FNIP1: variants seen among roughly 807,000 people sequenced by gnomAD.
FNIP1 encodes the protein folliculin-interacting protein 1.
In FNIP1, 40 loss-of-function variants were observed where a neutral mutation model predicts 124.5. The ratio of observed to expected loss-of-function variants is 0.32; its 90% CI spans 0.25 to 0.42. The LOEUF (loss-of-function observed/expected upper bound fraction) is 0.42. Ranked by LOEUF, FNIP1 falls within the 10% of genes least tolerant of loss-of-function variation. FNIP1 has a pLI of 1.00. For missense variants in FNIP1, 1,176 were observed against 1,403.7 expected, an observed-to-expected ratio of 0.84 and a Z score of 2.59; for synonymous variants, 472 against 470.6, an observed-to-expected ratio of 1.00 and a Z score of -0.04.
chr5:131,658,040 C>CAAAAA (rs543062745), intron 15 of FNIP1, among the ~76,000 whole-genome samples: 1 of 57,304 alleles, frequency 1.7e-5, no homozygotes, highest in Admixed American at 2.1e-4. Context: ...GACTCCATCT[C>CAAAAA]AAAAAAAAAA....
intron 15 of FNIP1, among the ~76,000 whole-genome samples, chr5:131,656,462 T>G (rs963362465): frequency 1.3e-5 from 2 of 152,196 alleles, no homozygotes; most frequent in African/African-American, 4.8e-5. Flanking sequence ...CTTATGTGGG[T>G]ACAGGGTTGC....
chr5:131,768,479 TTA>T (rs1278292149), intron 1 of FNIP1, among the ~76,000 whole-genome samples: 25 of 132,612 alleles, frequency 1.9e-4, no homozygotes, highest in Admixed American at 6.9e-4. Flanking sequence ...TTTTTTTTTT[TTA>T]AAAAGGGGGG....
chr5:131,688,718 A>AAG (rs397773993), intron 11 of FNIP1, among the ~76,000 whole-genome samples: 2 of 150,046 alleles, frequency 1.3e-5, no homozygotes, highest in South Asian at 2.1e-4. Context: ...AAAAAAAAAA[A>AAG]GGAGCAGGAA....
chr5:131,749,455 C>T (rs1249642884), intron 1 of FNIP1, among the ~76,000 whole-genome samples: 4 of 146,930 alleles, frequency 2.7e-5, no homozygotes, highest in Middle Eastern at 3.8e-3. Flanking sequence ...TGCAGTGGTG[C>T]GATTTTGGCT....
Position 131,704,171 on chromosome 5 carries a change from G to A in FNIP1, c.1010C>T (p.Ser337Leu), listed in dbSNP as rs780233484. Reference protein sequence around the residue: ...KKKIAIGVIFSLSKDEDENNK... With the variant: ...KKKIAIGVIFLLSKDEDENNK... ...ATTTTCATCTTCATCTTTGGACAAT[G>A]AAAAGATTACCCCAATTGCAATCTT... The change falls in exon 10 of 18, where the codon TCA becomes TTA. Residue 337 changes from serine (S) to leucine (L), a missense_variant. Around this residue, in one of 2 missense-constraint regions of FNIP1, gnomAD observed 1,109 missense variants for 1,288.5 expected, o/e 0.86. Coordinates refer to ENST00000510461, the MANE Select transcript of FNIP1 (RefSeq NM_133372.3). 1.9e-6 allele frequency: 3 copies of A among 1,613,264 alleles called. No homozygotes were observed. The highest frequency in any genetic ancestry group is 1.7e-6 in the Non-Finnish European group (2 of 1,179,378).
chr5:131,693,333 C>CATACATAT (rs1768563853), intron 11 of FNIP1, among the ~76,000 whole-genome samples: 11 of 50,124 alleles, frequency 2.2e-4, no homozygotes, highest in Admixed American at 8.6e-4. Context: ...TATATATATA[C>CATACATAT]ATATATATAT....
At chr5:131,657,736 CAAAAAAAAA>C (rs59097834) in intron 15 of FNIP1, among the ~76,000 whole-genome samples, 3 of 65,056 alleles carry the variant, frequency 4.6e-5, no homozygotes, top group African/African-American at 1.2e-4. Context: ...GAAAATAAGG[CAAAAAAAAA>C]AAAAAAAAAA....
At chr5:131,789,444 A>C (rs1471317772) in intron 1 of FNIP1, among the ~76,000 whole-genome samples, 2 of 152,238 alleles carry the variant, frequency 1.3e-5, no homozygotes, top group African/African-American at 4.8e-5. Flanking sequence ...TCAAAATGTG[A>C]CATAAAATCA....
Position 131,739,812 on chromosome 5 carries a change from C to CAAAAAAAA in FNIP1, c.219+4744_219+4751dup, listed in dbSNP as rs60928249. ...TGGGTGACAGAGTGAGACTCCAGCT[C>CAAAAAAAA]AAAAAAAAAAAAAAAAAAAAAAAAA... On this transcript the variant is annotated intron_variant, in intron 2 of 17. Transcript: ENST00000510461. Among the ~76,000 whole-genome samples, 64 of 31,372 alleles carry CAAAAAAAA rather than the reference C, an allele frequency of 2.0e-3. 1 individual carries two copies. Among genetic ancestry groups the CAAAAAAAA allele is most frequent in the African/African-American group, 5.7e-3 (56 of 9,896 alleles). 20.6% of individuals were successfully genotyped at this position (31,372 alleles called of 152,430 possible).
In FNIP1 at chr5:131,643,199, A is replaced by C. The variant is rs1049442356; in HGVS notation, c.*1486T>G. 2 of 152,348 alleles carry C rather than the reference A, an allele frequency of 1.3e-5. No homozygotes were observed. The highest frequency in any genetic ancestry group is 4.8e-5 in the African/African-American group (2 of 41,434). The allele number at this position is 152,348 out of a possible 1,614,324, so 9.4% of individuals were successfully genotyped here. On this transcript the variant is annotated 3_prime_UTR_variant, in exon 18 of 18. Coordinates refer to ENST00000510461, the MANE Select transcript of FNIP1 (RefSeq NM_133372.3). ...AGTTGGAAGTCTCTTGAATACATACACAGCAAGGCAAAATGTGACCCAATG... is the reference window on the plus strand; with the variant it reads ...AGTTGGAAGTCTCTTGAATACATACCCAGCAAGGCAAAATGTGACCCAATG...
intron 15 of FNIP1, among the ~76,000 whole-genome samples, chr5:131,659,010 C>G (rs1264197097): frequency 6.7e-6 from 1 of 148,728 alleles, no homozygotes; most frequent in Non-Finnish European, 1.5e-5. Flanking sequence ...TAGGTTTTGT[C>G]AAGAAAGGGT....
chr5:131,781,899 T>C lies in FNIP1; in HGVS notation c.92+14931A>G, dbSNP rs114987115. On this transcript the variant is annotated intron_variant, in intron 1 of 17. Transcript: ENST00000510461. ...AGGGCCAGGTGTGGTGGCTCATGAC[T>C]GTAAATCCCAACACTTTGGAAGGCC... Among the ~76,000 whole-genome samples, 920 of 152,030 alleles carry C rather than the reference T, an allele frequency of 6.1e-3. 9 individuals carry two copies. The highest frequency in any genetic ancestry group is 0.021 in the African/African-American group (884 of 41,490).
intron 1 of FNIP1, among the ~76,000 whole-genome samples, chr5:131,763,349 T>C (rs116109389): frequency 0.011 from 1,645 of 150,842 alleles, 7 homozygotes; most frequent in African/African-American, 0.019. Context: ...CAGCAAAAGA[T>C]TGGCAAATGA....
At chr5:131,720,808 G>T (rs963676906) in intron 3 of FNIP1, among the ~76,000 whole-genome samples, 1 of 152,174 alleles carries the variant, frequency 6.6e-6, no homozygotes, top group Admixed American at 6.5e-5. Flanking sequence ...TGTCAGGTTG[G>T]CTATAATCAA....
At chr5:131,678,878 A>G in intron 12 of FNIP1, 151 bp downstream of exon 12, 2 of 583,022 alleles carry the variant, frequency 3.4e-6, no homozygotes, top group Non-Finnish European at 5.9e-6. Context: ...ATACTCTTCC[A>G]TACCCTATCA....
At chr5:131,785,019 ATATATATGACATATATAT>A (rs1561707407) in intron 1 of FNIP1, among the ~76,000 whole-genome samples, 9 of 13,706 alleles carry the variant, frequency 6.6e-4, no homozygotes, top group Admixed American at 3.5e-3. Flanking sequence ...TATATATATG[ATATATATGACATATATAT>A]GATATATATG....
chr5:131,760,456 T>G (rs76450937), intron 1 of FNIP1, among the ~76,000 whole-genome samples: 269 of 152,298 alleles, frequency 1.8e-3, no homozygotes, highest in African/African-American at 6.3e-3. Context: ...TTGAATTTCA[T>G]GAACCTGTAA....
chr5:131,656,810 C>T (rs972017287), intron 15 of FNIP1, among the ~76,000 whole-genome samples: 3 of 151,854 alleles, frequency 2.0e-5, no homozygotes, highest in African/African-American at 4.8e-5. Context: ...GAGCAAGCAC[C>T]GAGATTTAAG....
chr5:131,726,910 A>C (rs1769895960), intron 3 of FNIP1, among the ~76,000 whole-genome samples: 1 of 152,102 alleles, frequency 6.6e-6, no homozygotes, highest in African/African-American at 2.4e-5. Context: ...TTATTTACCC[A>C]GTAGTCATTC....
Sources: allele counts gnomAD v4.1 joint callset (sites outside exome capture counted in the v4.1 genomes callset), GRCh38; gene constraint gnomAD v4.1.1; regional missense constraint gnomAD v4.1.1; transcripts MANE v1.5; gene names NCBI Gene and HGNC (gene_info 2026-07-23, HGNC 2026-07-21).